The following SLC6A11 variants were observed in gnomAD, a reference collection of about 807,000 sequenced individuals.
SLC6A11 encodes the protein solute carrier family 6 member 11, also known as sodium- and chloride-dependent GABA transporter 3.
In SLC6A11, 25 loss-of-function variants were observed where a neutral mutation model predicts 74.8. The observed-to-expected ratio is 0.33, with a 90% CI of 0.24 to 0.47. The LOEUF (loss-of-function observed/expected upper bound fraction) is 0.47. SLC6A11 is among the 20% of genes least tolerant of loss of function. The pLI is 1.00. For synonymous variants in SLC6A11, 330 were observed against 330.2 expected, an observed-to-expected ratio of 1.00 and a Z score of 0.01; for missense variants, 574 against 837.0, an observed-to-expected ratio of 0.69 and a Z score of 3.88.
chr3:10,828,714 G>T (rs1694249873), intron 4 of SLC6A11, among the ~76,000 whole-genome samples: 1 of 152,180 alleles, frequency 6.6e-6, no homozygotes, highest in South Asian at 2.1e-4. Context: ...AAATGTCAGT[G>T]TCATATGGGG....
intron 5 of SLC6A11, among the ~76,000 whole-genome samples, chr3:10,861,848 C>G (rs1021564366): frequency 6.6e-6 from 1 of 152,172 alleles, no homozygotes; most frequent in South Asian, 2.1e-4. Flanking sequence ...TTGCAACCAT[C>G]ATGGGTTAGC....
At chr3:10,817,216 G>A (rs915844163) in intron 1 of SLC6A11, among the ~76,000 whole-genome samples, 1 of 152,154 alleles carries the variant, frequency 6.6e-6, no homozygotes, top group Non-Finnish European at 1.5e-5. Context: ...GGCCCCTCTG[G>A]TGGAAGAATT....
intron 7 of SLC6A11, among the ~76,000 whole-genome samples, chr3:10,916,905 C>T (rs1695463994): frequency 6.6e-6 from 1 of 152,200 alleles, no homozygotes; most frequent in South Asian, 2.1e-4. Flanking sequence ...CTACTTTACC[C>T]TTGATTCCTA....
chr3:10,909,306 T>C (rs1472384461), intron 6 of SLC6A11, among the ~76,000 whole-genome samples: 25 of 151,952 alleles, frequency 1.6e-4, no homozygotes, highest in Non-Finnish European at 5.9e-5. Flanking sequence ...AAAGGAAAGA[T>C]GGATGCTAAG....
At position 10,829,927 on chromosome 3, in the gene SLC6A11, T is replaced by G. The variant is rs1403247633; in HGVS notation, c.623+6535T>G. Among the ~76,000 whole-genome samples, 3 of 152,190 alleles carry G rather than the reference T, an allele frequency of 2.0e-5. No homozygotes were observed. In the East Asian group the frequency reaches 5.8e-4, roughly 29 times the overall value. ...TTCTTAGTGCATTTTTTTCTTCACT[T>G]AATTGTTCTTTTGACATTTTTCTTA... On this transcript the variant is annotated intron_variant, in intron 4 of 13. Transcript: ENST00000254488.
chr3:10,873,532 G>GTCCTATCCTA (rs1208134845), intron 5 of SLC6A11, among the ~76,000 whole-genome samples: 1 of 76,670 alleles, frequency 1.3e-5, no homozygotes. Flanking sequence ...ATCCTATCCT[G>GTCCTATCCTA]TCCTATCCTA....
chr3:10,897,831 A>G (rs1430534929), intron 6 of SLC6A11, among the ~76,000 whole-genome samples: 1 of 152,202 alleles, frequency 6.6e-6, no homozygotes, highest in East Asian at 1.9e-4. Context: ...CTGACCCCAC[A>G]TTTCCTGTCT....
intron 6 of SLC6A11, among the ~76,000 whole-genome samples, chr3:10,885,017 A>G (rs1005806919): frequency 6.6e-6 from 1 of 152,194 alleles, no homozygotes; most frequent in Non-Finnish European, 1.5e-5. Flanking sequence ...CTCCGAGTGA[A>G]TAGAATAGAA....
chr3:10,826,505 C>A (rs2106574035), intron 4 of SLC6A11, among the ~76,000 whole-genome samples: 1 of 152,280 alleles, frequency 6.6e-6, no homozygotes, highest in African/African-American at 2.4e-5. Flanking sequence ...GTTTTTGCAC[C>A]ACTCATTTCC....
At chr3:10,842,438 G>T (rs1048729970) in intron 4 of SLC6A11, among the ~76,000 whole-genome samples, 1 of 152,142 alleles carries the variant, frequency 6.6e-6, no homozygotes. Flanking sequence ...GGTGCCCAGG[G>T]ATCATGCTCT....
chr3:10,873,095 G>T (rs1440905796), intron 5 of SLC6A11, among the ~76,000 whole-genome samples: 2 of 152,188 alleles, frequency 1.3e-5, no homozygotes, highest in Non-Finnish European at 2.9e-5. Flanking sequence ...GGTGTGGCCG[G>T]TGCCACAAGC....
chr3:10,817,116 C>A (rs1019102209), intron 1 of SLC6A11, among the ~76,000 whole-genome samples: 1 of 152,210 alleles, frequency 6.6e-6, no homozygotes, highest in Non-Finnish European at 1.5e-5. Context: ...GGACTCACAA[C>A]AGGGAGAACT....
At chr3:10,829,633 C>T (rs1327083148) in intron 4 of SLC6A11, among the ~76,000 whole-genome samples, 1 of 152,136 alleles carries the variant, frequency 6.6e-6, no homozygotes, top group African/African-American at 2.4e-5. Context: ...GTGTGTGACC[C>T]TGGGCAACCT....
At position 10,816,389 on chromosome 3, in the gene SLC6A11, A is replaced by G. The variant is rs756646747; in HGVS notation, c.124A>G (p.Lys42Glu). 4 of 1,526,598 alleles carry G rather than the reference A, an allele frequency of 2.6e-6. No homozygotes were observed. Among genetic ancestry groups the G allele is most frequent in the Non-Finnish European group, 3.5e-6 (4 of 1,138,530 alleles). The allele number at this position is 1,526,598 out of a possible 1,614,324, so 94.6% of individuals were successfully genotyped here. Residue 42 changes from lysine to glutamate, a missense_variant, in exon 1 of 14, where the codon AAG (lysine) becomes GAG (glutamate). Transcript: ENST00000254488. The surrounding 1 kb of genome is among the most constrained non-coding windows in gnomAD (Gnocchi z 4.2). ...GAAPARHPRV[K>E]RDKAVHERGH... Reference sequence around the variant, plus strand: ...GGCGCCCGCGCGCCACCCGCGCGTCAAGCGCGACAAGGCGGTCCACGAGCG... The same window carrying G: ...GGCGCCCGCGCGCCACCCGCGCGTCGAGCGCGACAAGGCGGTCCACGAGCG...
intron 7 of SLC6A11, among the ~76,000 whole-genome samples, chr3:10,917,541 G>A (rs772845471): frequency 6.6e-6 from 1 of 152,212 alleles, no homozygotes; most frequent in African/African-American, 2.4e-5. Flanking sequence ...CTAACTTCCT[G>A]ACTTGGTGAT....
At chr3:10,931,303 G>T (rs1227100127) in intron 10 of SLC6A11, among the ~76,000 whole-genome samples, 1 of 151,794 alleles carries the variant, frequency 6.6e-6, no homozygotes. Flanking sequence ...ACAGGAAGCG[G>T]TTTAACACAG....
chr3:10,931,341 G>A (rs1362524036), intron 10 of SLC6A11, among the ~76,000 whole-genome samples: 2 of 152,194 alleles, frequency 1.3e-5, no homozygotes, highest in Non-Finnish European at 2.9e-5. Context: ...GCTGCATTAA[G>A]GTTTCTTTGT....
intron 6 of SLC6A11, among the ~76,000 whole-genome samples, chr3:10,901,444 G>A (rs893341075): frequency 6.6e-6 from 1 of 152,244 alleles, no homozygotes; most frequent in Non-Finnish European, 1.5e-5. Context: ...ACCGCCCGCA[G>A]CGCAACCCTT....
At chr3:10,837,937 G>A (rs1694388046) in intron 4 of SLC6A11, among the ~76,000 whole-genome samples, 1 of 152,268 alleles carries the variant, frequency 6.6e-6, no homozygotes, top group Non-Finnish European at 1.5e-5. Flanking sequence ...GGCCAGGAAA[G>A]CACATTTGTT....
Sources: allele counts gnomAD v4.1 joint callset (sites outside exome capture counted in the v4.1 genomes callset), GRCh38; gene constraint gnomAD v4.1.1; non-coding constraint Gnocchi (gnomAD v3.1); transcripts MANE v1.5; gene names NCBI Gene and HGNC (gene_info 2026-07-23, HGNC 2026-07-21).